Variants in ZNF892 observed in about 807,000 individuals in gnomAD.
ZNF892 encodes the protein zinc finger protein 570-like.
At chr2:95,263,227 A>T in the ZNF892 span, among the ~76,000 whole-genome samples, 6 of 152,216 alleles carry the variant, frequency 3.9e-5, no homozygotes, top group African/African-American at 1.4e-4. Flanking sequence ...GCCAGCAAGG[A>T]AACAGGGGCC....
At chr2:95,232,699 C>A in the ZNF892 span, among the ~76,000 whole-genome samples, 1 of 132,984 alleles carries the variant, frequency 7.5e-6, no homozygotes, top group South Asian at 2.4e-4. Context: ...CTATGGACAG[C>A]AGCAACAACA....
At chr2:95,255,408 C>T in the ZNF892 span, among the ~76,000 whole-genome samples, 8 of 152,166 alleles carry the variant, frequency 5.3e-5, no homozygotes, top group African/African-American at 1.9e-4. Context: ...TTTATTAATC[C>T]TGACTTCTAG....
chr2:95,232,623 C>G, the ZNF892 span, among the ~76,000 whole-genome samples: 1 of 152,292 alleles, frequency 6.6e-6, no homozygotes, highest in Non-Finnish European at 1.5e-5. Context: ...GACATTGGAG[C>G]TTCCACTTAC....
the ZNF892 span, among the ~76,000 whole-genome samples, chr2:95,213,785 A>C: frequency 1.3e-5 from 2 of 152,220 alleles, no homozygotes; most frequent in South Asian, 4.1e-4. Context: ...TAGAACCAAC[A>C]GATTTTTGTG....
the ZNF892 span, among the ~76,000 whole-genome samples, chr2:95,242,526 C>A: frequency 6.6e-6 from 1 of 152,308 alleles, no homozygotes; most frequent in East Asian, 1.9e-4. Context: ...CTGTTACCGG[C>A]CACTACAAAA....
chr2:95,207,953 C>T, the ZNF892 span: 1 of 397,582 alleles, frequency 2.5e-6, no homozygotes, highest in African/African-American at 2.1e-5. Context: ...TTCCTACTAG[C>T]CGGTCTCACT....
the ZNF892 span, among the ~76,000 whole-genome samples, chr2:95,225,225 T>C: frequency 6.6e-6 from 1 of 152,214 alleles, no homozygotes; most frequent in Non-Finnish European, 1.5e-5. Flanking sequence ...GTGATAGTAC[T>C]TTTTTTATGT....
chr2:95,257,745 A>G, the ZNF892 span, among the ~76,000 whole-genome samples: 5 of 152,092 alleles, frequency 3.3e-5, no homozygotes, highest in African/African-American at 1.2e-4. Context: ...TGCTTTGTTT[A>G]CCTACTCAAG....
At chr2:95,242,924 C>T in the ZNF892 span, among the ~76,000 whole-genome samples, 1 of 152,224 alleles carries the variant, frequency 6.6e-6, no homozygotes, top group Non-Finnish European at 1.5e-5. Flanking sequence ...GTACCCCTGC[C>T]ATCTCGGCTC....
At chr2:95,230,609 C>T in the ZNF892 span, among the ~76,000 whole-genome samples, 7 of 152,238 alleles carry the variant, frequency 4.6e-5, no homozygotes, top group Non-Finnish European at 5.9e-5. Flanking sequence ...GATGGTGAGA[C>T]GGGAAGTGGC....
chr2:95,258,978 T>C, the ZNF892 span: 1 of 152,168 alleles, frequency 6.6e-6, no homozygotes, highest in South Asian at 2.1e-4. Context: ...ACTGCCTGCA[T>C]GTGTATCAGG....
At chr2:95,214,803 G>C in the ZNF892 span, 1 of 466,844 alleles carries the variant, frequency 2.1e-6, no homozygotes. Flanking sequence ...ATGTGGTAAA[G>C]CCTTTAGCCA....
the ZNF892 span, among the ~76,000 whole-genome samples, chr2:95,237,141 C>A: frequency 3.0e-5 from 4 of 133,564 alleles, no homozygotes; most frequent in Non-Finnish European, 6.5e-5. Flanking sequence ...GATCAGTGAG[C>A]TTTTTTTTTT....
chr2:95,253,969 G>A, the ZNF892 span, among the ~76,000 whole-genome samples: 2 of 152,216 alleles, frequency 1.3e-5, no homozygotes, highest in Non-Finnish European at 2.9e-5. Context: ...ATCAGCTTAA[G>A]GAGATTTTGG....
the ZNF892 span, among the ~76,000 whole-genome samples, chr2:95,261,311 T>G: frequency 6.6e-6 from 1 of 151,824 alleles, no homozygotes; most frequent in Non-Finnish European, 1.5e-5. Flanking sequence ...TTTTTTTTTT[T>G]GAGACACGGT....
chr2:95,245,983 C>T, the ZNF892 span, among the ~76,000 whole-genome samples: 1 of 152,020 alleles, frequency 6.6e-6, no homozygotes, highest in Non-Finnish European at 1.5e-5. Context: ...TCAAAAAAAT[C>T]GAAAAGGAGG....
the ZNF892 span, chr2:95,232,083 C>G: frequency 6.6e-6 from 1 of 152,180 alleles, no homozygotes; most frequent in African/African-American, 2.4e-5. Flanking sequence ...GGAGGAAGAG[C>G]TCCCAAATCC....
the ZNF892 span, among the ~76,000 whole-genome samples, chr2:95,246,829 A>G: frequency 2.0e-5 from 3 of 152,210 alleles, no homozygotes; most frequent in African/African-American, 7.2e-5. Flanking sequence ...TTCAAGAACT[A>G]CAAACCACTG....
At chr2:95,227,742 G>T in the ZNF892 span, among the ~76,000 whole-genome samples, 1 of 151,764 alleles carries the variant, frequency 6.6e-6, no homozygotes, top group East Asian at 1.9e-4. Flanking sequence ...TCAGCTTCCC[G>T]AGTATCTGGG....
Sources: allele counts gnomAD v4.1 joint callset (sites outside exome capture counted in the v4.1 genomes callset), GRCh38; gene constraint gnomAD v4.1.1; transcripts MANE v1.5; gene names NCBI Gene and HGNC (gene_info 2026-07-23, HGNC 2026-07-21).